MATN1: variants seen among roughly 807,000 people sequenced by gnomAD.
MATN1 encodes matrilin-1.
Under a neutral mutation model 41.3 loss-of-function variants are expected in MATN1, and 34 were observed. The observed-to-expected ratio is 0.82, with a 90% CI of 0.63 to 1.10. MATN1 has a LOEUF of 1.10. Among genes scored for constraint, MATN1 ranks in the 50% least tolerant of loss-of-function variants. The pLI is 0.00. For missense variants in MATN1, 602 were observed against 662.4 expected (o/e 0.91, Z 1.00); for synonymous variants, 264 against 278.7 (o/e 0.95, Z 0.53).
chr1:30,721,302 C>T, intron 2 of MATN1, 103 bp downstream of exon 2: 1 of 1,168,580 alleles, frequency 8.6e-7, no homozygotes, highest in Non-Finnish European at 1.2e-6. Flanking sequence ...GAAATGGCCA[C>T]CTCACGGGGC....
intron 2 of MATN1, chr1:30,719,249 C>T (rs1000978765): frequency 7.6e-6 from 3 of 393,846 alleles, no homozygotes; most frequent in Non-Finnish European, 1.4e-5. Flanking sequence ...GCCATGCCTT[C>T]CCCTCAGACT....
rs754363828 is a variant in MATN1, at chr1:30,711,671, T to A, written c.*1911A>T. 15 of 152,422 alleles carry A rather than the reference T, an allele frequency of 9.8e-5. No homozygotes were observed. The highest frequency in any genetic ancestry group is 1.8e-4 in the Non-Finnish European group (12 of 68,196). The allele number at this position is 152,422 out of a possible 1,614,324, so 9.4% of individuals were successfully genotyped here. A position where few individuals can be genotyped will look rare whatever the true frequency, so the allele number is the denominator to read the frequency against. Reference sequence around the variant, plus strand: ...GACTCCACTCATCAGGGACATCTGTTGCTTCTGCCCGCCAGCTCCCAGGCC... The same window carrying A: ...GACTCCACTCATCAGGGACATCTGTAGCTTCTGCCCGCCAGCTCCCAGGCC... On this transcript the variant is annotated 3_prime_UTR_variant, in exon 8 of 8. Coordinates refer to ENST00000373765, the MANE Select transcript of MATN1 (RefSeq NM_002379.3).
Position 30,718,780 on chromosome 1 carries a change from TG to T in MATN1, c.618del (p.Tyr206Ter). The T allele has an allele frequency of 6.2e-7, 1 of 1,610,022 alleles. No homozygotes were observed. Among genetic ancestry groups the T allele is most frequent in the Non-Finnish European group, 8.5e-7 (1 of 1,178,296 alleles). On this transcript the variant is annotated frameshift_variant, in exon 3 of 8. Transcript: ENST00000373765. LOFTEE classifies it high-confidence loss of function. ...QDEHVDYVES[Y>X]SVIEKLSRKF... ...TTCCTGGACAGCTTCTCGATGACGC[TG>T]TAGCTCTCCACGTAATCGACGTGTT...
At chr1:30,717,085 T>C (rs1639628013) in intron 3 of MATN1, among the ~76,000 whole-genome samples, 170 bp from the exon 4 acceptor site, 1 of 152,222 alleles carries the variant, frequency 6.6e-6, no homozygotes, top group Non-Finnish European at 1.5e-5. Context: ...TCTGGAATCA[T>C]TGCACCAGTG....
intron 6 of MATN1, among the ~76,000 whole-genome samples, chr1:30,714,819 T>A (rs1343176910): frequency 6.6e-6 from 1 of 152,156 alleles, no homozygotes; most frequent in East Asian, 1.9e-4. Flanking sequence ...AGAGAGGCAG[T>A]AGGGTTCAAA....
At chr1:30,714,889 A>C (rs903752197) in intron 6 of MATN1, among the ~76,000 whole-genome samples, 1 of 152,200 alleles carries the variant, frequency 6.6e-6, no homozygotes, top group South Asian at 2.1e-4. Flanking sequence ...TATCCCATCT[A>C]TAAAATGGGG....
chr1:30,714,428 G>A (rs368351419), intron 6 of MATN1, 101 bp from the exon 7 acceptor site: 62 of 892,436 alleles, frequency 6.9e-5, no homozygotes, highest in East Asian at 3.7e-4. Flanking sequence ...CAGGATTCCC[G>A]GGGAGGTGAG....
Position 30,718,899 on chromosome 1 carries a change from C to A in MATN1, c.500G>T (p.Arg167Leu). The change falls in exon 3 of 8, where the codon CGG (arginine) becomes CTG (leucine). Residue 167 changes from arginine (R) to leucine (L), a missense_variant. Transcript: ENST00000373765. Reference protein sequence around the residue: ...PQDSVQDVSARARASGVELFA... With the variant: ...PQDSVQDVSALARASGVELFA... ...CAGCTCGACGCCGCTGGCCCGGGCC[C>A]GCGCAGACACGTCCTGCACGCTGTC... is the stretch of plus-strand genomic sequence containing the variant. 6.3e-7 allele frequency: 1 copy of A among 1,580,628 alleles called. No individual in the cohort carries two copies. Among genetic ancestry groups the A allele is most frequent in the Non-Finnish European group, 8.6e-7 (1 of 1,168,424 alleles).
Position 30,721,458 on chromosome 1 carries a change from T to C in MATN1, c.388A>G (p.Lys130Glu), listed in dbSNP as rs1279015907. The change falls in exon 2 of 8, where the codon AAA becomes GAA. Residue 130 changes from lysine (K) to glutamate (E), a missense_variant. Coordinates refer to ENST00000373765, the MANE Select transcript of MATN1 (RefSeq NM_002379.3). ...CCACCCTCTGCATCGCCGAAGGCTT[T>C]GGTGATAGCGAACTGGATGGCCAGG... ...TGLAIQFAIT[K>E]AFGDAEGGRS... The C allele has an allele frequency of 2.5e-6, 4 of 1,613,480 alleles. No individual in the cohort carries two copies. Among genetic ancestry groups the C allele is most frequent in the Admixed American group, 1.7e-5 (1 of 60,004 alleles).
intron 2 of MATN1, chr1:30,721,175 G>A: frequency 1.8e-6 from 1 of 561,384 alleles, no homozygotes. Context: ...TGAAATGATT[G>A]TAAGCTCCTA....
intron 3 of MATN1, among the ~76,000 whole-genome samples, chr1:30,717,932 C>T (rs561314660): frequency 1.3e-5 from 2 of 152,280 alleles, no homozygotes; most frequent in South Asian, 2.1e-4. Context: ...GGATTACAGG[C>T]GTGAGCCACC....
chr1:30,718,209 G>GC (rs1286646648), intron 3 of MATN1, among the ~76,000 whole-genome samples: 3 of 146,478 alleles, frequency 2.0e-5, no homozygotes, highest in South Asian at 2.2e-4. Context: ...ATGTGGCCCC[G>GC]CCCCCCGACG....
At position 30,715,351 on chromosome 1, in the gene MATN1, G is replaced by C. The variant is rs1237133949; in HGVS notation, c.1208-42C>G. On this transcript the variant is annotated intron_variant, in intron 5 of 7. Coordinates refer to ENST00000373765, the MANE Select transcript of MATN1 (RefSeq NM_002379.3). ...GAGAAGTAAGGCTGGACATGGGGAT[G>C]GGCAACCATATGGCTGAGCCTCCTG... 14 of 1,607,430 alleles carry C rather than the reference G, an allele frequency of 8.7e-6. No homozygotes were observed. In the Admixed American group the frequency reaches 2.3e-4, roughly 27 times the overall value.
chr1:30,722,697 G>C lies in MATN1; in HGVS notation c.94+761C>G, dbSNP rs572871312. 3.3e-5 allele frequency among the ~76,000 whole-genome samples: 5 copies of C among 152,312 alleles called. No individual in the cohort carries two copies. In the South Asian group the frequency reaches 1.0e-3, roughly 32 times the overall value. The stretch of plus-strand genomic sequence containing the variant: ...TCCCATGCGGAGTCTGAACTGAGCA[G>C]AGCCAATCCCAAAGAGGAAAGGGGA... On this transcript the variant is annotated intron_variant, in intron 1 of 7. Transcript: ENST00000373765.
chr1:30,718,864 C>T lies in MATN1; in HGVS notation c.535G>A (p.Gly179Arg). ...GTGGCCTTGTCCACGCTGCCCACTC[C>T]GATGGCGAACAGCTCGACGCCGCTG... The part of the protein sequence containing the change: ...RASGVELFAI[G>R]VGSVDKATLR... Residue 179 changes from glycine (G) to arginine (R), a missense_variant, in exon 3 of 8, where the codon GGA (glycine) becomes AGA (arginine). By Grantham distance (125) the Gly-to-Arg change is moderately radical. Transcript: ENST00000373765. 1 of 1,606,220 alleles carries T rather than the reference C, an allele frequency of 6.2e-7. No homozygotes were observed. Among genetic ancestry groups the T allele is most frequent in the Non-Finnish European group, 8.5e-7 (1 of 1,178,270 alleles).
rs1639579477 is a variant in MATN1 at position 30,713,487 on chromosome 1, C to T, written c.*95G>A. On this transcript the variant is annotated 3_prime_UTR_variant, in exon 8 of 8. Coordinates refer to ENST00000373765, the MANE Select transcript of MATN1 (RefSeq NM_002379.3). ...CAATAGGCACACCCAGACACACCCC[C>T]TCCCACCCCCGGGCTGGCTTCCCTC... 2.3e-6 allele frequency: 3 copies of T among 1,300,596 alleles called. No individual in the cohort carries two copies. Among genetic ancestry groups the T allele is most frequent in the East Asian group, 5.0e-5 (2 of 39,626 alleles). 80.6% of individuals were successfully genotyped at this position (1,300,596 alleles called of 1,614,324 possible).
rs1639582249 is a variant in MATN1 at position 30,713,685 on chromosome 1, C to T, written c.1442-54G>A. ...GTTGGCCAGAGCAGGGCAGGGATGG[C>T]TGTGGCCCTGCACTCAGGCCCCTGC... On this transcript the variant is annotated intron_variant, in intron 7 of 7. Coordinates refer to ENST00000373765, the MANE Select transcript of MATN1 (RefSeq NM_002379.3). The T allele has an allele frequency of 4.8e-6, 7 of 1,447,684 alleles. No individual in the cohort carries two copies. The South Asian group carries it at 8.5e-5, about 18-fold the overall frequency. 89.7% of individuals were successfully genotyped at this position (1,447,684 alleles called of 1,614,324 possible). A position where few individuals can be genotyped will look rare whatever the true frequency, so the allele number is the denominator to read the frequency against.
At chr1:30,718,068 T>A (rs1029128821) in intron 3 of MATN1, among the ~76,000 whole-genome samples, 1 of 151,660 alleles carries the variant, frequency 6.6e-6, no homozygotes, top group Admixed American at 6.6e-5. Context: ...TGGCACCACC[T>A]CAGTCTAATC....
chr1:30,715,275 G>C lies in MATN1; in HGVS notation c.1242C>G (p.Ala414=). 6.2e-7 allele frequency: 1 copy of C among 1,614,178 alleles called. No individual in the cohort carries two copies. Among genetic ancestry groups the C allele is most frequent in the Non-Finnish European group, 8.5e-7 (1 of 1,180,038 alleles). The change falls in exon 6 of 8, where the codon GCC becomes GCG. Residue 414 remains alanine, a synonymous_variant. Coordinates refer to ENST00000373765, the MANE Select transcript of MATN1 (RefSeq NM_002379.3). ...CTATTTCCCTCAGCTCATCCTCCAC[G>C]GCATTGCCCACACCCACAGCAAACA... is the stretch of plus-strand genomic sequence containing the variant. ...FKMFAVGVGN[A]VEDELREIAS...
Sources: gnomAD v4.1 joint callset for allele counts (sites outside exome capture counted in the v4.1 genomes callset) on GRCh38, gnomAD v4.1.1 for gene constraint, MANE v1.5 for transcripts, NCBI Gene and HGNC (gene_info 2026-07-23, HGNC 2026-07-21) for gene names.